NKAIN3: variants seen among roughly 807,000 people sequenced by gnomAD.
NKAIN3 encodes the protein sodium/potassium-transporting ATPase subunit beta-1-interacting protein 3.
In NKAIN3, 25 loss-of-function variants were observed where a neutral mutation model predicts 30.2. The ratio of observed to expected loss-of-function variants is 0.83; its 90% confidence interval spans 0.60 to 1.16. NKAIN3 has a LOEUF of 1.16. Ranked by LOEUF, NKAIN3 falls within the 50% of genes most tolerant of loss-of-function variation. The probability of loss-of-function intolerance (pLI) is 0.00; values close to 1 mark genes in which losing one functional copy is unlikely to be tolerated. For synonymous variants in NKAIN3, 91 were observed against 89.6 expected, an observed-to-expected ratio of 1.02 and a Z score of -0.09; for missense variants, 225 against 254.1, an observed-to-expected ratio of 0.89 and a Z score of 0.78.
intron 1 of NKAIN3, among the ~76,000 whole-genome samples, chr8:62,289,663 A>T (rs926373858): frequency 3.9e-5 from 6 of 152,056 alleles, no homozygotes; most frequent in African/African-American, 1.5e-4. Flanking sequence ...GTATAGTTTG[A>T]AGTCAGGTAG....
At chr8:62,915,439 G>T (rs964852616) in intron 4 of NKAIN3, among the ~76,000 whole-genome samples, 1 of 152,078 alleles carries the variant, frequency 6.6e-6, no homozygotes, top group African/African-American at 2.4e-5. Context: ...TCTAGTAGCT[G>T]AAAAAGGCAA....
chr8:62,467,348 A>G (rs1456996316), intron 1 of NKAIN3, among the ~76,000 whole-genome samples: 2 of 152,226 alleles, frequency 1.3e-5, no homozygotes, highest in African/African-American at 4.8e-5. Flanking sequence ...TTTTGTGGCA[A>G]TGAAATCACA....
intron 1 of NKAIN3, among the ~76,000 whole-genome samples, chr8:62,387,270 T>G (rs1198560268): frequency 6.6e-6 from 1 of 151,500 alleles, no homozygotes; most frequent in Non-Finnish European, 1.5e-5. Context: ...GCCCATGTGG[T>G]TTTTCAATAA....
intron 3 of NKAIN3, among the ~76,000 whole-genome samples, chr8:62,729,708 A>G (rs879786364): frequency 1.3e-5 from 2 of 152,168 alleles, no homozygotes; most frequent in Non-Finnish European, 2.9e-5. Flanking sequence ...ATTATGTTTC[A>G]GAGATTACCC....
intron 1 of NKAIN3, among the ~76,000 whole-genome samples, chr8:62,294,006 G>A (rs976699676): frequency 2.6e-5 from 4 of 152,162 alleles, no homozygotes; most frequent in Non-Finnish European, 2.9e-5. Context: ...AGTAGTGAGC[G>A]AGGCTCTGTG....
intron 1 of NKAIN3, among the ~76,000 whole-genome samples, chr8:62,440,327 T>G (rs921301382): frequency 1.3e-5 from 2 of 152,200 alleles, no homozygotes; most frequent in Admixed American, 6.5e-5. Flanking sequence ...CAAGCTTCAC[T>G]GGGGATGAAA....
intron 1 of NKAIN3, among the ~76,000 whole-genome samples, chr8:62,441,060 T>C (rs1412357806): frequency 2.0e-5 from 3 of 152,218 alleles, no homozygotes; most frequent in Non-Finnish European, 2.9e-5. Flanking sequence ...ATTTGTTTGC[T>C]ATCCTATTTC....
At chr8:62,613,863 C>A (rs1811365078) in intron 3 of NKAIN3, among the ~76,000 whole-genome samples, 1 of 151,964 alleles carries the variant, frequency 6.6e-6, no homozygotes, top group African/African-American at 2.4e-5. Context: ...CTGCTTTATT[C>A]TTTTTAATTA....
intron 1 of NKAIN3, among the ~76,000 whole-genome samples, chr8:62,327,905 A>G (rs1815197960): frequency 6.6e-6 from 1 of 152,094 alleles, no homozygotes; most frequent in Admixed American, 6.6e-5. Context: ...CTTCCAATTC[A>G]TGAACATGGG....
At chr8:62,553,623 G>C (rs770976613) in intron 1 of NKAIN3, among the ~76,000 whole-genome samples, 5 of 149,782 alleles carry the variant, frequency 3.3e-5, no homozygotes, top group African/African-American at 1.2e-4. Flanking sequence ...TGCCACCTCT[G>C]CCTCCTGGGT....
At chr8:62,321,977 C>G (rs535663061) in intron 1 of NKAIN3, among the ~76,000 whole-genome samples, 5 of 152,180 alleles carry the variant, frequency 3.3e-5, no homozygotes, top group African/African-American at 9.6e-5. Flanking sequence ...TGGGCTCTAC[C>G]GAGTTCCAGC....
chr8:62,781,057 T>G (rs1020244126), intron 4 of NKAIN3, among the ~76,000 whole-genome samples: 1 of 152,054 alleles, frequency 6.6e-6, no homozygotes, highest in Non-Finnish European at 1.5e-5. Context: ...CAAAAACTCT[T>G]AGAACTTACA....
intron 1 of NKAIN3, among the ~76,000 whole-genome samples, chr8:62,317,885 GAT>G (rs1309002078): frequency 6.6e-6 from 1 of 152,094 alleles, no homozygotes; most frequent in Non-Finnish European, 1.5e-5. Flanking sequence ...CCATTTTCAC[GAT>G]ATTGATTCTT....
chr8:62,443,642 C>G (rs1376845642), intron 1 of NKAIN3, among the ~76,000 whole-genome samples: 1 of 152,134 alleles, frequency 6.6e-6, no homozygotes, highest in Non-Finnish European at 1.5e-5. Flanking sequence ...CTCAGCCTCC[C>G]AAAGTGCTGG....
chr8:62,589,762 T>A lies in NKAIN3; in HGVS notation c.241T>A (p.Cys81Ser), dbSNP rs1448025198. 1 of 1,605,988 alleles carries A rather than the reference T, an allele frequency of 6.2e-7. No homozygotes were observed. The highest frequency in any genetic ancestry group is 8.5e-7 in the Non-Finnish European group (1 of 1,174,330). The change falls in exon 3 of 7, where the codon TGC becomes AGC. Residue 81 changes from cysteine to serine, a missense_variant. Physicochemically the swap from Cys to Ser is moderately radical, Grantham distance 112. Transcript: ENST00000623646. ...LWVTWNVFII[C>S]FYLEVGGLSK... is the part of the protein sequence containing the mutation. ...GGTCACCTGGAATGTGTTCATTATC[T>A]GCTTTTATTTGGAAGTAGGTGGACT... is the stretch of plus-strand genomic sequence containing the variant.
At chr8:62,772,409 C>A (rs1158213227) in intron 4 of NKAIN3, among the ~76,000 whole-genome samples, 3 of 152,042 alleles carry the variant, frequency 2.0e-5, no homozygotes, top group African/African-American at 7.2e-5. Context: ...GAGAAACGTC[C>A]AAAGTCTTCT....
intron 1 of NKAIN3, among the ~76,000 whole-genome samples, chr8:62,395,212 C>T (rs72505477): frequency 0.11 from 16,296 of 148,104 alleles, 1,216 homozygotes; most frequent in East Asian, 0.38. Flanking sequence ...CCCCTCACTT[C>T]CCAGACCGAG....
At chr8:62,411,365 AG>A (rs1344621701) in intron 1 of NKAIN3, among the ~76,000 whole-genome samples, 2 of 152,226 alleles carry the variant, frequency 1.3e-5, no homozygotes, top group South Asian at 2.1e-4. Flanking sequence ...CATGATAAAA[AG>A]CCTCAACAAA....
At position 62,249,130 on chromosome 8, in the gene NKAIN3, G is replaced by A. The variant is rs1337866924; in HGVS notation, c.54+3G>A. On this transcript the variant is annotated splice_donor_region_variant and intron_variant, in intron 1 of 6. Coordinates refer to ENST00000623646, the MANE Select transcript of NKAIN3 (RefSeq NM_001304533.3). The stretch of plus-strand genomic sequence containing the variant: ...TCTGCCTCTGCGCGCTGCAGTTGGT[G>A]AGTGCCCCGAGGGCCCCTGCCCCAG... 1 of 1,535,268 alleles carries A rather than the reference G, an allele frequency of 6.5e-7. No homozygotes were observed. Among genetic ancestry groups the A allele is most frequent in the Non-Finnish European group, 8.7e-7 (1 of 1,142,874 alleles).
Sources: allele counts gnomAD v4.1 joint callset (sites outside exome capture counted in the v4.1 genomes callset), GRCh38; gene constraint gnomAD v4.1.1; transcripts MANE v1.5; gene names NCBI Gene and HGNC (gene_info 2026-07-23, HGNC 2026-07-21).